MAGI2: variants seen among roughly 807,000 people sequenced by gnomAD.
MAGI2 encodes the protein membrane-associated guanylate kinase, WW and PDZ domain-containing protein 2.
Under a neutral mutation model 133.3 loss-of-function variants are expected in MAGI2, and 35 were observed. The observed-to-expected ratio is 0.26, with a 90% CI of 0.20 to 0.35. The LOEUF (loss-of-function observed/expected upper bound fraction) is 0.35. Among genes scored for constraint, MAGI2 ranks in the 10% least tolerant of loss-of-function variants. The pLI is 1.00. For synonymous variants in MAGI2, 729 were observed against 710.6 expected (o/e 1.03, Z -0.41); for missense variants, 1,636 against 1,863.4 (o/e 0.88, Z 2.25).
At chr7:78,303,731 G>C (rs138058408) in intron 9 of MAGI2, among the ~76,000 whole-genome samples, 10 of 152,240 alleles carry the variant, frequency 6.6e-5, no homozygotes, top group African/African-American at 2.4e-4. Flanking sequence ...CTATGCAAAT[G>C]TTAGGGGTTT....
intron 1 of MAGI2, among the ~76,000 whole-genome samples, chr7:79,054,425 C>T (rs1047366216): frequency 3.9e-5 from 6 of 152,106 alleles, no homozygotes; most frequent in Non-Finnish European, 5.9e-5. Context: ...TTCTCTCTTC[C>T]TGACTTATTC....
intron 7 of MAGI2, 142 bp downstream of exon 7, chr7:78,369,014 G>C: frequency 1.9e-6 from 1 of 535,624 alleles, no homozygotes; most frequent in South Asian, 3.6e-5. Flanking sequence ...CAGCTAGCTA[G>C]TGCTGCTAGT....
At chr7:78,780,860 C>G (rs573561269) in intron 2 of MAGI2, among the ~76,000 whole-genome samples, 1 of 152,272 alleles carries the variant, frequency 6.6e-6, no homozygotes, top group South Asian at 2.1e-4. Flanking sequence ...GACATAACTG[C>G]TGGAATTCCT....
intron 2 of MAGI2, among the ~76,000 whole-genome samples, chr7:78,834,186 T>TA (rs1791422564): frequency 6.6e-6 from 1 of 152,202 alleles, no homozygotes. Flanking sequence ...ATCAGAGCTT[T>TA]AAAAAACTTG....
intron 3 of MAGI2, among the ~76,000 whole-genome samples, chr7:78,590,290 T>C (rs1222123401): frequency 2.0e-5 from 3 of 152,154 alleles, no homozygotes; most frequent in African/African-American, 7.2e-5. Context: ...TGCTAGGAGA[T>C]TGGCTTCTTG....
At chr7:78,495,107 C>T (rs2885560) in intron 5 of MAGI2, among the ~76,000 whole-genome samples, 26,715 of 152,092 alleles carry the variant, frequency 0.18, 3,546 homozygotes, top group African/African-American at 0.37. Context: ...ATTGACTTTA[C>T]GTTTACAAAA....
intron 1 of MAGI2, among the ~76,000 whole-genome samples, chr7:79,243,375 G>C (rs1281908952): frequency 6.6e-6 from 1 of 152,086 alleles, no homozygotes; most frequent in African/African-American, 2.4e-5. Context: ...ATCTAAACTA[G>C]CTGCCTCATG....
intron 6 of MAGI2, among the ~76,000 whole-genome samples, chr7:78,431,566 G>T (rs1359828007): frequency 6.6e-6 from 1 of 152,094 alleles, no homozygotes; most frequent in East Asian, 1.9e-4. Flanking sequence ...CAACTGGTCA[G>T]TCAAAAGCAA....
intron 4 of MAGI2, among the ~76,000 whole-genome samples, chr7:78,504,888 T>C (rs1173241911): frequency 6.6e-6 from 1 of 152,102 alleles, no homozygotes; most frequent in African/African-American, 2.4e-5. Context: ...GTGCTTATAA[T>C]TGTTAAAGAG....
At chr7:79,354,556 T>A (rs1841893902) in intron 1 of MAGI2, among the ~76,000 whole-genome samples, 1 of 152,120 alleles carries the variant, frequency 6.6e-6, no homozygotes, top group African/African-American at 2.4e-5. Flanking sequence ...ACCAGCCCTG[T>A]AGGAATATGT....
intron 2 of MAGI2, among the ~76,000 whole-genome samples, chr7:78,791,181 C>T (rs1827213794): frequency 1.3e-5 from 2 of 152,048 alleles, no homozygotes; most frequent in Non-Finnish European, 2.9e-5. Flanking sequence ...GAACAGGAAA[C>T]TGGTAACTCA....
At chr7:79,433,142 A>AC (rs1460084437) in intron 1 of MAGI2, among the ~76,000 whole-genome samples, 2 of 152,210 alleles carry the variant, frequency 1.3e-5, no homozygotes, top group Non-Finnish European at 1.5e-5. Context: ...TAAAATTGAG[A>AC]CTATTCCGAT....
At chr7:78,330,615 C>CAAA (rs4024122) in intron 9 of MAGI2, among the ~76,000 whole-genome samples, 1,514 of 6,930 alleles carry the variant, frequency 0.22, 491 homozygotes, top group East Asian at 0.46. Context: ...GACTCCGTCT[C>CAAA]AAAAAAAAAA....
At chr7:79,068,267 T>C (rs755552379) in intron 1 of MAGI2, among the ~76,000 whole-genome samples, 11 of 152,204 alleles carry the variant, frequency 7.2e-5, no homozygotes, top group African/African-American at 1.2e-4. Flanking sequence ...TATTAAATAT[T>C]GCCTTAATTT....
chr7:78,815,005 G>A (rs1257595715), intron 2 of MAGI2, among the ~76,000 whole-genome samples: 4 of 152,122 alleles, frequency 2.6e-5, no homozygotes, highest in African/African-American at 9.7e-5. Flanking sequence ...TAAGATTACA[G>A]GTGAGAGCCA....
intron 2 of MAGI2, among the ~76,000 whole-genome samples, chr7:78,745,324 C>A (rs1006022729): frequency 1.2e-4 from 18 of 152,238 alleles, no homozygotes; most frequent in African/African-American, 4.1e-4. Context: ...CTGTGCATTT[C>A]CCACAGTACC....
intron 16 of MAGI2, among the ~76,000 whole-genome samples, chr7:78,156,044 A>G (rs540602165): frequency 9.8e-5 from 15 of 152,310 alleles, no homozygotes. Context: ...ATAATATTTA[A>G]TAGCAACATG....
At chr7:78,697,694 T>G (rs1208351850) in intron 2 of MAGI2, among the ~76,000 whole-genome samples, 1 of 152,160 alleles carries the variant, frequency 6.6e-6, no homozygotes, top group Non-Finnish European at 1.5e-5. Context: ...AAAAATACAA[T>G]GGACATTTCC....
At chr7:78,324,651 T>C (rs1164004973) in intron 9 of MAGI2, among the ~76,000 whole-genome samples, 1 of 152,172 alleles carries the variant, frequency 6.6e-6, no homozygotes, top group Non-Finnish European at 1.5e-5. Flanking sequence ...AGCTCTGTTA[T>C]TAAGCTATTT....
Sources: allele counts gnomAD v4.1 joint callset (sites outside exome capture counted in the v4.1 genomes callset), GRCh38; gene constraint gnomAD v4.1.1; transcripts MANE v1.5; gene names NCBI Gene and HGNC (gene_info 2026-07-23, HGNC 2026-07-21).